Variants in ZDHHC17 observed in about 807,000 individuals in gnomAD.
ZDHHC17 encodes the protein zDHHC palmitoyltransferase 17, also known as palmitoyltransferase ZDHHC17.
Under a neutral mutation model 90.3 loss-of-function variants are expected in ZDHHC17, and 40 were observed. That is an observed-to-expected ratio of 0.44 (90% confidence interval 0.34 to 0.58). The LOEUF (loss-of-function observed/expected upper bound fraction) is 0.58, where lower values mean the gene tolerates loss of function less well. Ranked by LOEUF, ZDHHC17 falls within the 20% of genes least tolerant of loss-of-function variation. The pLI, the probability that ZDHHC17 is intolerant of heterozygous loss-of-function variation, is 0.01. For synonymous variants in ZDHHC17, 235 were observed against 252.4 expected (o/e 0.93, Z 0.65); for missense variants, 614 against 780.8 (o/e 0.79, Z 2.55).
At chr12:76,840,516 T>G (rs779567298) in intron 10 of ZDHHC17, 5 of 151,982 alleles carry the variant, frequency 3.3e-5, no homozygotes, top group Non-Finnish European at 7.4e-5. Flanking sequence ...AATTTTTGTA[T>G]TTTTAGTAGA....
chr12:76,821,386 T>G (rs1030259886), intron 7 of ZDHHC17, among the ~76,000 whole-genome samples: 1 of 152,146 alleles, frequency 6.6e-6, no homozygotes, highest in African/African-American at 2.4e-5. Context: ...GTGGTGTGTT[T>G]TATTTTGTTG....
intron 10 of ZDHHC17, among the ~76,000 whole-genome samples, chr12:76,834,814 A>G (rs1347227013): frequency 6.6e-6 from 1 of 152,138 alleles, no homozygotes; most frequent in African/African-American, 2.4e-5. Context: ...TTCTTCACTC[A>G]GTTGCAGTCT....
intron 1 of ZDHHC17, among the ~76,000 whole-genome samples, chr12:76,783,455 G>C (rs543409512): frequency 2.0e-5 from 3 of 152,164 alleles, no homozygotes; most frequent in African/African-American, 4.8e-5. Flanking sequence ...TCTCATAACT[G>C]TCTATTTATG....
chr12:76,801,414 G>C (rs1266711697), intron 2 of ZDHHC17, among the ~76,000 whole-genome samples: 2 of 151,694 alleles, frequency 1.3e-5, no homozygotes, highest in Non-Finnish European at 2.9e-5. Flanking sequence ...AGCACTTTGG[G>C]AGGCCAGGGC....
Sources: gnomAD v4.1 joint callset for allele counts (sites outside exome capture counted in the v4.1 genomes callset) on GRCh38, gnomAD v4.1.1 for gene constraint, MANE v1.5 for transcripts, NCBI Gene and HGNC (gene_info 2026-07-23, HGNC 2026-07-21) for gene names.